The following TBC1D22B variants were observed in gnomAD, a reference collection of about 807,000 sequenced individuals.
TBC1D22B encodes the protein TBC1 domain family member 22B.
In TBC1D22B, 32 loss-of-function variants were observed where a neutral mutation model predicts 69.1. That is an observed-to-expected ratio of 0.46 (90% CI 0.35 to 0.62). The LOEUF (loss-of-function observed/expected upper bound fraction) is 0.62, where lower values mean the gene tolerates loss of function less well. TBC1D22B is among the 20% of genes least tolerant of loss of function. The probability of loss-of-function intolerance (pLI) is 0.00; values close to 1 mark genes in which losing one functional copy is unlikely to be tolerated. For synonymous variants in TBC1D22B, 206 were observed against 229.8 expected (o/e 0.90, Z 0.94); for missense variants, 462 against 630.9 (o/e 0.73, Z 2.87).
At chr6:37,290,136 C>T (rs1767130662) in intron 7 of TBC1D22B, among the ~76,000 whole-genome samples, 1 of 152,174 alleles carries the variant, frequency 6.6e-6, no homozygotes, top group Non-Finnish European at 1.5e-5. Context: ...ATAACCATTT[C>T]CTGTTTGTTG....
chr6:37,262,870 C>G (rs542225201), intron 1 of TBC1D22B, among the ~76,000 whole-genome samples: 1 of 152,370 alleles, frequency 6.6e-6, no homozygotes, highest in East Asian at 1.9e-4. Context: ...GATGTTTGCA[C>G]TGTTTCAACT....
chr6:37,278,822 A>G (rs953644270), intron 2 of TBC1D22B, among the ~76,000 whole-genome samples: 25 of 152,032 alleles, frequency 1.6e-4, no homozygotes, highest in Non-Finnish European at 7.4e-5. Flanking sequence ...AGTCCCAGCT[A>G]CTCAAGAGGC....
At chr6:37,319,844 G>A (rs1330713504) in intron 12 of TBC1D22B, among the ~76,000 whole-genome samples, 1 of 152,220 alleles carries the variant, frequency 6.6e-6, no homozygotes, top group Non-Finnish European at 1.5e-5. Flanking sequence ...TGAGGAACAA[G>A]GGCACAAAGC....
chr6:37,330,218 G>GTTTT, intron 12 of TBC1D22B, among the ~76,000 whole-genome samples: 2 of 91,104 alleles, frequency 2.2e-5, no homozygotes, highest in African/African-American at 9.4e-5. Context: ...TATTTTGTCC[G>GTTTT]TTTCTTTTTT....
chr6:37,277,412 G>A (rs1766700770), intron 2 of TBC1D22B, among the ~76,000 whole-genome samples: 1 of 151,866 alleles, frequency 6.6e-6, no homozygotes, highest in African/African-American at 2.4e-5. Flanking sequence ...AGTCCAGAAC[G>A]TGCAGCCTCA....
intron 2 of TBC1D22B, among the ~76,000 whole-genome samples, chr6:37,271,642 G>A (rs890704854): frequency 2.0e-5 from 3 of 152,076 alleles, no homozygotes; most frequent in South Asian, 2.1e-4. Context: ...GATAATATAC[G>A]TTAAAGTATT....
chr6:37,262,747 AC>A (rs1247891765), intron 1 of TBC1D22B, among the ~76,000 whole-genome samples: 1 of 152,190 alleles, frequency 6.6e-6, no homozygotes. Context: ...GAGTGTGTGA[AC>A]CTACATCAGT....
At chr6:37,328,302 C>T (rs1768490381) in intron 12 of TBC1D22B, among the ~76,000 whole-genome samples, 1 of 151,976 alleles carries the variant, frequency 6.6e-6, no homozygotes, top group South Asian at 2.1e-4. Flanking sequence ...AAGACTCTGT[C>T]TCTAAATAAA....
intron 1 of TBC1D22B, chr6:37,258,176 G>A (rs528420065): frequency 2.3e-5 from 14 of 598,434 alleles, no homozygotes; most frequent in African/African-American, 7.7e-5. Flanking sequence ...TGTAGACCGG[G>A]GTCTGGGGGC....
Position 37,269,642 on chromosome 6 carries a change from C to T in TBC1D22B, c.105C>T (p.Leu35=). 6.2e-7 allele frequency: 1 copy of T among 1,614,126 alleles called. No individual in the cohort carries two copies. The highest frequency in any genetic ancestry group is 8.5e-7 in the Non-Finnish European group (1 of 1,180,004). The change falls in exon 2 of 13, where the codon CTC becomes CTT. Residue 35 remains leucine (L), a synonymous_variant. Transcript: ENST00000373491. ...GAQHPPLDPR[L]TKNFIKERSK... ...AGCATCCTCCTCTTGACCCACGGCTCACCAAAAAGTAAGTCAAGACATTTT... is the reference window on the plus strand; with the variant it reads ...AGCATCCTCCTCTTGACCCACGGCTTACCAAAAAGTAAGTCAAGACATTTT...
chr6:37,313,058 CTAGGT>C (rs761084562), intron 9 of TBC1D22B, 34 bp downstream of exon 9: 1 of 1,564,186 alleles, frequency 6.4e-7, no homozygotes, highest in East Asian at 2.2e-5. Context: ...GAACAAACGT[CTAGGT>C]CCAGAGGCTC....
intron 8 of TBC1D22B, among the ~76,000 whole-genome samples, chr6:37,295,298 T>G (rs11964774): frequency 0.032 from 4,860 of 151,684 alleles, 245 homozygotes; most frequent in African/African-American, 0.11. Flanking sequence ...AGAGATGGGG[T>G]TTTCATTGTG....
intron 2 of TBC1D22B, among the ~76,000 whole-genome samples, chr6:37,271,849 C>CTTTTTTTTTT (rs35838317): frequency 8.3e-6 from 1 of 120,920 alleles, no homozygotes. Flanking sequence ...AAGGTGCATG[C>CTTTTTTTTTT]TTTTTTTTTT....
At chr6:37,320,840 G>A (rs1180824816) in intron 12 of TBC1D22B, among the ~76,000 whole-genome samples, 1 of 152,244 alleles carries the variant, frequency 6.6e-6, no homozygotes, top group African/African-American at 2.4e-5. Flanking sequence ...TCTGGGAGCA[G>A]AATGGCTGGA....
intron 1 of TBC1D22B, among the ~76,000 whole-genome samples, chr6:37,265,567 T>C (rs897641617): frequency 6.6e-6 from 1 of 151,866 alleles, no homozygotes; most frequent in African/African-American, 2.4e-5. Context: ...TGGGGGTGTC[T>C]AACACCCCCT....
chr6:37,272,584 C>T (rs537207810), intron 2 of TBC1D22B, among the ~76,000 whole-genome samples: 140 of 151,124 alleles, frequency 9.3e-4, no homozygotes, highest in African/African-American at 3.3e-3. Context: ...GATGGGGTTT[C>T]ACCATGTTGC....
intron 8 of TBC1D22B, among the ~76,000 whole-genome samples, chr6:37,311,014 GC>G (rs1375060465): frequency 6.6e-6 from 1 of 152,154 alleles, no homozygotes; most frequent in Non-Finnish European, 1.5e-5. Context: ...AAGAAAGTAT[GC>G]CATAAATAAT....
chr6:37,267,234 C>T (rs1277439487), intron 1 of TBC1D22B, among the ~76,000 whole-genome samples: 3 of 149,984 alleles, frequency 2.0e-5, no homozygotes, highest in African/African-American at 4.9e-5. Context: ...CATGCTTGCC[C>T]TTTTAAAAAT....
At chr6:37,274,496 C>T (rs563181373) in intron 2 of TBC1D22B, among the ~76,000 whole-genome samples, 92 of 152,236 alleles carry the variant, frequency 6.0e-4, no homozygotes, top group African/African-American at 1.9e-3. Flanking sequence ...TTTAGTATTC[C>T]CTGCACTTCT....
Sources: allele counts gnomAD v4.1 joint callset (sites outside exome capture counted in the v4.1 genomes callset), GRCh38; gene constraint gnomAD v4.1.1; transcripts MANE v1.5; gene names NCBI Gene and HGNC (gene_info 2026-07-23, HGNC 2026-07-21).